Variants in C6orf89 observed in about 807,000 individuals in gnomAD.
The protein encoded by C6orf89 is chromosome 6 open reading frame 89, also known as bombesin receptor-activated protein C6orf89.
C6orf89 carries 29 observed loss-of-function variants against 40.7 expected under a neutral mutation model. That is an observed-to-expected ratio of 0.71 (90% CI 0.53 to 0.97). The LOEUF is 0.97. C6orf89 is among the 50% of genes least tolerant of loss of function. The pLI is 0.00. For missense variants in C6orf89, 392 were observed against 429.1 expected (o/e 0.91, Z 0.76); for synonymous variants, 165 against 152.2 (o/e 1.08, Z -0.62).
intron 1 of C6orf89, chr6:36,874,736 TG>T: frequency 6.2e-7 from 1 of 1,614,092 alleles, no homozygotes; most frequent in Non-Finnish European, 8.5e-7. Context: ...AAGTAAACGT[TG>T]GGTGGCTGCC....
chr6:36,920,966 T>A (rs556380061), intron 8 of C6orf89, among the ~76,000 whole-genome samples: 72 of 143,088 alleles, frequency 5.0e-4, no homozygotes, highest in African/African-American at 2.0e-3. Flanking sequence ...AATTACAGAA[T>A]TAGGGAAAAA....
In C6orf89 at chr6:36,919,573, T is replaced by C; in HGVS notation, c.826-5T>C. 2.5e-6 allele frequency: 4 copies of C among 1,612,314 alleles called. No individual in the cohort carries two copies. The highest frequency in any genetic ancestry group is 3.4e-6 in the Non-Finnish European group (4 of 1,178,754). ...TTTTCCTCCCCTCCTCATTCTTTCC[T>C]CCAGATGCATAAGATGCCTGACCTA... is the stretch of plus-strand genomic sequence containing the variant. On this transcript the variant is annotated splice_region_variant and splice_polypyrimidine_tract_variant and intron_variant, in intron 7 of 8. Coordinates refer to ENST00000480824, the MANE Select transcript of C6orf89 (RefSeq NM_001286635.2).
At chr6:36,903,108 G>T (rs1188471718) in intron 4 of C6orf89, among the ~76,000 whole-genome samples, 1 of 152,182 alleles carries the variant, frequency 6.6e-6, no homozygotes, top group Non-Finnish European at 1.5e-5. Flanking sequence ...TTTTCAGGCT[G>T]GGTGTGGTGG....
chr6:36,912,691 T>C (rs1293293549), intron 4 of C6orf89, among the ~76,000 whole-genome samples: 1 of 152,158 alleles, frequency 6.6e-6, no homozygotes, highest in Non-Finnish European at 1.5e-5. Flanking sequence ...ATAATCTTCC[T>C]GCGAGTTGAG....
intron 1 of C6orf89, among the ~76,000 whole-genome samples, chr6:36,892,478 A>C (rs540259913): frequency 6.6e-6 from 1 of 152,180 alleles, no homozygotes; most frequent in Non-Finnish European, 1.5e-5. Flanking sequence ...AGTAGCTGGA[A>C]CTATAGGCAT....
At position 36,914,563 on chromosome 6, in the gene C6orf89, C is replaced by T. The variant is rs1304759110; in HGVS notation, c.565C>T (p.Pro189Ser). 1.9e-6 allele frequency: 3 copies of T among 1,614,144 alleles called. No individual in the cohort carries two copies. The African/African-American group carries it at 4.0e-5, about 22-fold the overall frequency. Residue 189 changes from proline to serine, a missense_variant, in exon 6 of 9, where the codon CCC (proline) becomes TCC (serine). Physicochemically the swap from Pro to Ser is moderately conservative, Grantham distance 74. Coordinates refer to ENST00000480824, the MANE Select transcript of C6orf89 (RefSeq NM_001286635.2). ...TTCCTGCCTTGCCAAGACGGGAAAG[C>T]CCCTGTTGGAGGAAGAGATTCAGCA... ...LHPLVIKTGK[P>S]LLEEEIQHFL...
intron 4 of C6orf89, among the ~76,000 whole-genome samples, chr6:36,909,932 A>C (rs1193896427): frequency 6.6e-6 from 1 of 152,144 alleles, no homozygotes; most frequent in Non-Finnish European, 1.5e-5. Flanking sequence ...CCCAAAGATT[A>C]TAAAAATACT....
rs140824113 is a variant in C6orf89 at position 36,887,982 on chromosome 6, C to T, written c.-120+1954C>T. 6.8e-4 allele frequency among the ~76,000 whole-genome samples: 103 copies of T among 152,276 alleles called. 3 individuals are homozygous for T. The East Asian group carries it at 0.018, about 26-fold the overall frequency. ...TCAAGCAGTCCTCCCACCTCAGCCT[C>T]CCAGTGTTGGGATTACAGGCATGAA... is the stretch of plus-strand genomic sequence containing the variant. On this transcript the variant is annotated intron_variant, in intron 1 of 8. Coordinates refer to ENST00000480824, the MANE Select transcript of C6orf89 (RefSeq NM_001286635.2).
intron 8 of C6orf89, 91 bp downstream of exon 8, chr6:36,919,792 A>C (rs560523912): frequency 5.5e-5 from 72 of 1,317,704 alleles, no homozygotes; most frequent in Non-Finnish European, 6.9e-5. Context: ...CCTTCACAAA[A>C]GTTTTATTTA....
intron 1 of C6orf89, among the ~76,000 whole-genome samples, chr6:36,894,028 A>AT (rs1761329009): frequency 6.6e-6 from 1 of 151,876 alleles, no homozygotes; most frequent in African/African-American, 2.4e-5. Flanking sequence ...TGTCTCAAAA[A>AT]AAAAAAAAAA....
rs575162417 is a variant in C6orf89, at chr6:36,925,242, A to G, written c.*1801A>G. The G allele has an allele frequency of 2.0e-5, 3 of 152,210 alleles. No homozygotes were observed. Among genetic ancestry groups the G allele is most frequent in the Non-Finnish European group, 4.4e-5 (3 of 68,038 alleles). 9.4% of individuals were successfully genotyped at this position (152,210 alleles called of 1,614,324 possible). ...TGCAGTGTCCTTACCCTGGCTGTAC[A>G]TGGGGAAGGGCTATGTGTAAACAAG... On this transcript the variant is annotated 3_prime_UTR_variant, in exon 9 of 9. Transcript: ENST00000480824.
At chr6:36,892,337 A>G (rs1761237931) in intron 1 of C6orf89, among the ~76,000 whole-genome samples, 1 of 152,116 alleles carries the variant, frequency 6.6e-6, no homozygotes, top group African/African-American at 2.4e-5. Context: ...GTTGATTTTT[A>G]ATTTTTTTAA....
At chr6:36,898,985 C>G (rs1761556569) in intron 2 of C6orf89, among the ~76,000 whole-genome samples, 2 of 152,158 alleles carry the variant, frequency 1.3e-5, no homozygotes, top group African/African-American at 4.8e-5. Context: ...TCAGTTCTTC[C>G]TCTTGTGTTG....
intron 7 of C6orf89, among the ~76,000 whole-genome samples, chr6:36,918,507 G>T (rs138434000): frequency 3.3e-5 from 5 of 152,346 alleles, no homozygotes; most frequent in Non-Finnish European, 7.3e-5. Context: ...GGCAAGGCCT[G>T]TGGCAGCAGC....
At chr6:36,916,691 G>A in intron 7 of C6orf89, 117 bp downstream of exon 7, 1 of 1,247,310 alleles carries the variant, frequency 8.0e-7, no homozygotes, top group Non-Finnish European at 1.1e-6. Context: ...TGAATTGAGG[G>A]GACACCCACA....
chr6:36,915,002 G>A (rs1341651934), intron 6 of C6orf89, among the ~76,000 whole-genome samples: 1 of 152,082 alleles, frequency 6.6e-6, no homozygotes, highest in Admixed American at 6.5e-5. Flanking sequence ...AAAAATGGGG[G>A]GGCTATGGGG....
upstream of C6orf89, among the ~76,000 whole-genome samples, chr6:36,882,271 A>G (rs1774834075): frequency 6.6e-6 from 1 of 152,254 alleles, no homozygotes. Flanking sequence ...GGTATTTAAC[A>G]AACCTTTCAA....
chr6:36,911,781 T>C (rs1447036078), intron 4 of C6orf89, among the ~76,000 whole-genome samples: 10 of 152,140 alleles, frequency 6.6e-5, no homozygotes, highest in Non-Finnish European at 1.2e-4. Flanking sequence ...GCAGGTTTAT[T>C]ATGACACTGA....
At chr6:36,874,632 G>A in intron 1 of C6orf89, 4 of 1,550,632 alleles carry the variant, frequency 2.6e-6, no homozygotes, top group African/African-American at 1.4e-5. Flanking sequence ...CGGCCTCCCG[G>A]AGGAACGCGC....
Sources: allele counts gnomAD v4.1 joint callset (sites outside exome capture counted in the v4.1 genomes callset), GRCh38; gene constraint gnomAD v4.1.1; transcripts MANE v1.5; gene names NCBI Gene and HGNC (gene_info 2026-07-23, HGNC 2026-07-21).